Variants in COL22A1 observed in about 807,000 individuals in gnomAD.
The protein encoded by COL22A1 is collagen alpha-1(XXII) chain.
COL22A1 carries 221 observed loss-of-function variants against 248.9 expected under a neutral mutation model. The ratio of observed to expected loss-of-function variants is 0.89; its 90% CI spans 0.80 to 0.99. COL22A1 has a LOEUF of 0.99. COL22A1 is among the 50% of genes least tolerant of loss of function. The pLI is 0.00. For missense variants in COL22A1, 2,240 were observed against 2,179.0 expected, an observed-to-expected ratio of 1.03 and a Z score of -0.56; for synonymous variants, 891 against 793.4, an observed-to-expected ratio of 1.12 and a Z score of -2.07.
intron 41 of COL22A1, among the ~76,000 whole-genome samples, chr8:138,672,793 G>C (rs4909829): frequency 0.12 from 17,745 of 152,180 alleles, 1,570 homozygotes; most frequent in African/African-American, 0.24. Context: ...TGCAGAAATT[G>C]CTGGCACCTG....
rs112487624 is a variant in COL22A1 at position 138,726,431 on chromosome 8, A to G, written c.2140-991T>C. 3.4e-5 allele frequency among the ~76,000 whole-genome samples: 5 copies of G among 146,622 alleles called. No homozygotes were observed. The South Asian group carries it at 1.1e-3, about 32-fold the overall frequency. On this transcript the variant is annotated intron_variant, in intron 23 of 64. Transcript: ENST00000303045. ...AGGATTGTTTGAGACTGGGAGTTTG[A>G]GGCTGCAGTGAGCTGTGATTGTGCC...
intron 3 of COL22A1, among the ~76,000 whole-genome samples, chr8:138,867,830 G>A (rs559579845): frequency 6.6e-6 from 1 of 152,160 alleles, no homozygotes; most frequent in Non-Finnish European, 1.5e-5. Context: ...TCAGTGGCAC[G>A]ATCTCGGCTC....
chr8:138,689,803 C>T (rs955819998), intron 36 of COL22A1, among the ~76,000 whole-genome samples: 5 of 152,202 alleles, frequency 3.3e-5, no homozygotes, highest in African/African-American at 1.2e-4. Flanking sequence ...CCTGCTGTGA[C>T]TCTGGGATCC....
chr8:138,868,097 G>C (rs1009640674), intron 3 of COL22A1, among the ~76,000 whole-genome samples: 1 of 152,232 alleles, frequency 6.6e-6, no homozygotes, highest in African/African-American at 2.4e-5. Context: ...ACTAAAGTTC[G>C]AAAGACTAGC....
rs1056522793 is a variant in COL22A1 at position 138,866,692 on chromosome 8, T to C, written c.658+11058A>G. On this transcript the variant is annotated intron_variant, in intron 3 of 64. Transcript: ENST00000303045. ...GTGATGTGGCTGGTACAAGGCCCCA[T>C]GGCCAGGCAGCGCTGATTCATATTG... 2.6e-5 allele frequency among the ~76,000 whole-genome samples: 4 copies of C among 152,370 alleles called. No homozygotes were observed. In the South Asian group the frequency reaches 6.2e-4, roughly 24 times the overall value.
At chr8:138,798,352 G>T (rs1177340441) in intron 11 of COL22A1, among the ~76,000 whole-genome samples, 1 of 151,106 alleles carries the variant, frequency 6.6e-6, no homozygotes, top group African/African-American at 2.4e-5. Context: ...TTCCTTTATT[G>T]CTCCTTTACT....
chr8:138,805,830 TTGATGGTGTGTGTGTATGTG>T (rs1316518117), intron 10 of COL22A1, among the ~76,000 whole-genome samples: 1 of 73,426 alleles, frequency 1.4e-5, no homozygotes, highest in African/African-American at 6.7e-5. Context: ...GTGTGTGTTT[TTGATGGTGTGTGTGTATGTG>T]TGATGGTGTG....
intron 12 of COL22A1, among the ~76,000 whole-genome samples, chr8:138,787,588 T>C (rs1470955131): frequency 2.0e-5 from 3 of 152,198 alleles, no homozygotes; most frequent in Non-Finnish European, 4.4e-5. Context: ...AAGCCTCTAT[T>C]TTCCACCTAT....
At chr8:138,743,238 T>C (rs1190341831) in intron 22 of COL22A1, among the ~76,000 whole-genome samples, 2 of 151,794 alleles carry the variant, frequency 1.3e-5, no homozygotes, top group African/African-American at 4.8e-5. Context: ...GCGATTGTGA[T>C]GGTGGAGTTG....
intron 36 of COL22A1, among the ~76,000 whole-genome samples, chr8:138,689,518 C>T (rs1437086279): frequency 6.6e-6 from 1 of 152,106 alleles, no homozygotes; most frequent in African/African-American, 2.4e-5. Flanking sequence ...GAGTTCAAGA[C>T]CAGCCTGGCC....
intron 30 of COL22A1, among the ~76,000 whole-genome samples, chr8:138,707,687 T>C (rs2131028013): frequency 6.6e-6 from 1 of 152,314 alleles, no homozygotes. Context: ...TCATACTGAA[T>C]GGGCAAAAAC....
intron 4 of COL22A1, among the ~76,000 whole-genome samples, chr8:138,834,669 C>T (rs895823273): frequency 2.0e-5 from 3 of 152,130 alleles, no homozygotes; most frequent in Admixed American, 2.0e-4. Flanking sequence ...TTCGAATGTA[C>T]GTCATTGCTG....
intron 47 of COL22A1, among the ~76,000 whole-genome samples, chr8:138,641,532 C>T (rs974350561): frequency 1.3e-5 from 2 of 152,170 alleles, no homozygotes; most frequent in Admixed American, 1.3e-4. Flanking sequence ...CGGATCATAA[C>T]CACAACTGCA....
chr8:138,654,695 T>C (rs1587775858), intron 45 of COL22A1, among the ~76,000 whole-genome samples: 1 of 152,262 alleles, frequency 6.6e-6, no homozygotes, highest in South Asian at 2.1e-4. Flanking sequence ...CTCTCCCTCG[T>C]TCACAGCCTT....
At position 138,720,626 on chromosome 8, in the gene COL22A1, C is replaced by A. The variant is rs541538335; in HGVS notation, c.2355+113G>T. 6.9e-5 allele frequency: 60 copies of A among 869,722 alleles called. No homozygotes were observed. In the East Asian group the frequency reaches 1.4e-3, roughly 21 times the overall value. The allele number at this position is 869,722 out of a possible 1,614,324, so 53.9% of individuals were successfully genotyped here. On this transcript the variant is annotated intron_variant, in intron 27 of 64. Transcript: ENST00000303045. Reference sequence around the variant, plus strand: ...TTCAAGTATCTGATGTGTCTCCTGCCAGGTCCCAGCTGATATAGACGCTAT... The same window carrying A: ...TTCAAGTATCTGATGTGTCTCCTGCAAGGTCCCAGCTGATATAGACGCTAT...
chr8:138,638,733 C>A (rs75770168), intron 47 of COL22A1, among the ~76,000 whole-genome samples: 2,745 of 152,304 alleles, frequency 0.018, 74 homozygotes, highest in African/African-American at 0.062. Context: ...ACACCCTCTG[C>A]AGATCATGTT....
intron 57 of COL22A1, among the ~76,000 whole-genome samples, chr8:138,607,700 T>C (rs1370040975): frequency 6.6e-6 from 1 of 152,196 alleles, no homozygotes; most frequent in Admixed American, 6.5e-5. Context: ...TGCCTATGGA[T>C]GTAGACCATA....
At chr8:138,624,867 C>G (rs1820110253) in intron 51 of COL22A1, among the ~76,000 whole-genome samples, 1 of 152,180 alleles carries the variant, frequency 6.6e-6, no homozygotes, top group African/African-American at 2.4e-5. Context: ...AGAAGCAATT[C>G]ATTCATCCAC....
chr8:138,832,820 G>A (rs991332868), intron 5 of COL22A1, among the ~76,000 whole-genome samples: 22 of 152,172 alleles, frequency 1.4e-4, no homozygotes, highest in African/African-American at 5.3e-4. Flanking sequence ...GGTGTAGAAG[G>A]ATCAGAGAAC....
Sources: allele counts gnomAD v4.1 joint callset (sites outside exome capture counted in the v4.1 genomes callset), GRCh38; gene constraint gnomAD v4.1.1; transcripts MANE v1.5; gene names NCBI Gene and HGNC (gene_info 2026-07-23, HGNC 2026-07-21).